Variants in WNT8A observed in about 807,000 individuals in gnomAD.
The protein encoded by WNT8A is Wnt family member 8A.
A neutral mutation model predicts 20.5 loss-of-function variants in WNT8A; 14 were observed. The observed-to-expected ratio is 0.68, with a 90% CI of 0.45 to 1.07. WNT8A has a LOEUF of 1.07. Ranked by LOEUF, WNT8A falls within the 50% of genes least tolerant of loss-of-function variation. The pLI, the probability that WNT8A is intolerant of heterozygous loss-of-function variation, is 0.00. For missense variants in WNT8A, 397 were observed against 462.9 expected (o/e 0.86, Z 1.31); for synonymous variants, 167 against 169.2 (o/e 0.99, Z 0.10).
At chr5:138,088,758 G>C (rs1303598414) in intron 3 of WNT8A, among the ~76,000 whole-genome samples, 169 bp from the exon 4 acceptor site, 2 of 152,102 alleles carry the variant, frequency 1.3e-5, no homozygotes, top group African/African-American at 2.4e-5. Flanking sequence ...TGTCTGAAGG[G>C]TGGGCAGTTG....
At chr5:138,091,875 A>ATAACTAAC (rs374275479), downstream of WNT8A, among the ~76,000 whole-genome samples, 1 of 147,516 alleles carries the variant, frequency 6.8e-6, no homozygotes, top group African/African-American at 2.5e-5. Flanking sequence ...AAATAAATAA[A>ATAACTAAC]TAATAAAGAG....
At position 138,089,055 on chromosome 5, in the gene WNT8A, AG is replaced by A. The variant is rs771679699; in HGVS notation, c.553del (p.Ala185ProfsTer6). 1.2e-6 allele frequency: 2 copies of A among 1,613,272 alleles called. No homozygotes were observed. The highest frequency in any genetic ancestry group is 1.7e-5 in the Admixed American group (1 of 59,960). On this transcript the variant is annotated frameshift_variant, in exon 4 of 5. Coordinates refer to ENST00000506684, the MANE Select transcript of WNT8A (RefSeq NM_001300939.2). LOFTEE classifies it low-confidence loss of function (END_TRUNC). ...AGCCCTGATGAATCTTCACAACAAC[AG>A]GGCCGGCAGACTGGTGGGTATAGGC... ...ARALMNLHNN[R>X]AGRLAVRATM...
At chr5:138,082,260 G>A (rs1750528049), upstream of WNT8A, among the ~76,000 whole-genome samples, 1 of 152,202 alleles carries the variant, frequency 6.6e-6, no homozygotes, top group Admixed American at 6.5e-5. Flanking sequence ...GCCTTCTTAA[G>A]CTCTAAGAAC....
upstream of WNT8A, among the ~76,000 whole-genome samples, chr5:138,080,444 GTTTTTT>G (rs371833243): frequency 3.6e-5 from 2 of 55,974 alleles, no homozygotes; most frequent in Non-Finnish European, 6.5e-5. Flanking sequence ...TGTAAATCTT[GTTTTTT>G]TTTTTTTTTT....
intron 2 of WNT8A, 31 bp downstream of exon 2, chr5:138,084,667 G>C (rs550762267): frequency 6.4e-7 from 1 of 1,571,750 alleles, no homozygotes; most frequent in East Asian, 2.3e-5. Flanking sequence ...CCTGTACAAG[G>C]GGTATATATG....
intron 4 of WNT8A, among the ~76,000 whole-genome samples, 172 bp downstream of exon 4, chr5:138,089,241 T>G (rs1352365748): frequency 6.6e-6 from 1 of 152,202 alleles, no homozygotes; most frequent in Non-Finnish European, 1.5e-5. Flanking sequence ...AAGTGGCTTG[T>G]CCAAGGCAAC....
At chr5:138,079,824 A>C (rs1361162022), upstream of WNT8A, among the ~76,000 whole-genome samples, 4 of 152,186 alleles carry the variant, frequency 2.6e-5, no homozygotes, top group Non-Finnish European at 5.9e-5. Context: ...ACACAGGTTG[A>C]CTAGAAATGA....
the WNT8A span, among the ~76,000 whole-genome samples, chr5:138,078,324 G>T: frequency 1.6e-4 from 25 of 152,182 alleles, no homozygotes; most frequent in African/African-American, 5.8e-4. Flanking sequence ...TATCTAATTA[G>T]CAGAGAAGTG....
chr5:138,088,040 A>G lies in WNT8A; in HGVS notation c.421+109A>G, dbSNP rs892674817. On this transcript the variant is annotated intron_variant, in intron 3 of 4. Transcript: ENST00000506684. ...GAGGGACACAGCTCCCTTAAACCTC[A>G]AGACTCCAGCAACTCCTTCAATTGT... is the stretch of plus-strand genomic sequence containing the variant. 1.1e-5 allele frequency: 17 copies of G among 1,481,770 alleles called. No homozygotes were observed. In the African/African-American group the frequency reaches 2.2e-4, roughly 19 times the overall value. 91.8% of individuals were successfully genotyped at this position (1,481,770 alleles called of 1,614,324 possible).
chr5:138,080,557 C>T (rs1222789249), upstream of WNT8A, among the ~76,000 whole-genome samples: 1 of 146,912 alleles, frequency 6.8e-6, no homozygotes, highest in South Asian at 2.2e-4. Flanking sequence ...ATTTGCCTGC[C>T]TTGGCCTCCC....
At chr5:138,077,540 A>G in the WNT8A span, among the ~76,000 whole-genome samples, 6 of 152,182 alleles carry the variant, frequency 3.9e-5, no homozygotes, top group Admixed American at 6.5e-5. Flanking sequence ...ATTTCTCTGA[A>G]AACTAGTAAA....
At chr5:138,080,444 G>GTTTTTTTTT (rs371833243), upstream of WNT8A, among the ~76,000 whole-genome samples, 1,584 of 55,722 alleles carry the variant, frequency 0.028, 155 homozygotes, top group Non-Finnish European at 0.039. Context: ...TGTAAATCTT[G>GTTTTTTTTT]TTTTTTTTTT....
At chr5:138,088,883 G>A (rs747161677) in intron 3 of WNT8A, 44 bp from the exon 4 acceptor site, 3 of 1,602,898 alleles carry the variant, frequency 1.9e-6, no homozygotes, top group Non-Finnish European at 2.6e-6. Flanking sequence ...GACTGGGACT[G>A]AGCATGGAGC....
chr5:138,083,773 C>G (rs900894488), upstream of WNT8A: 4 of 257,412 alleles, frequency 1.6e-5, no homozygotes, highest in Admixed American at 1.9e-4. Flanking sequence ...CAGGAAGAGA[C>G]AAAATTGACA....
upstream of WNT8A, among the ~76,000 whole-genome samples, chr5:138,083,169 T>C (rs1287654595): frequency 1.3e-5 from 2 of 151,474 alleles, no homozygotes; most frequent in African/African-American, 2.4e-5. Flanking sequence ...TAGTCTCAGA[T>C]ACTTGGGAGG....
In WNT8A at chr5:138,091,056, G is replaced by A. The variant is rs1750837931; in HGVS notation, c.1093G>A (p.Gly365Ser). 6 of 1,611,936 alleles carry A rather than the reference G, an allele frequency of 3.7e-6. No homozygotes were observed. Among genetic ancestry groups the A allele is most frequent in the Non-Finnish European group, 5.1e-6 (6 of 1,178,724 alleles). Reference protein sequence around the residue: ...ARSPGSAQSLGKGSA With the variant: ...ARSPGSAQSLSKGSA ...CTCCCCAGGCAGTGCCCAGTCCCTG[G>A]GTAAGGGCAGTGCCTGATAATACCC... Residue 365 changes from glycine (G) to serine (S), a missense_variant, in exon 5 of 5, where the codon GGT becomes AGT. Transcript: ENST00000506684.
chr5:138,089,206 T>C (rs1233674701), intron 4 of WNT8A, 137 bp downstream of exon 4: 1 of 1,315,402 alleles, frequency 7.6e-7, no homozygotes, highest in African/African-American at 1.5e-5. Context: ...ATTCTCTGGA[T>C]GACAAAACCA....
At chr5:138,086,441 C>A (rs1467096698) in intron 2 of WNT8A, among the ~76,000 whole-genome samples, 1 of 151,854 alleles carries the variant, frequency 6.6e-6, no homozygotes, top group Non-Finnish European at 1.5e-5. Context: ...TGGTCTCGAA[C>A]TCCTGAGCTC....
At chr5:138,091,544 A>G, downstream of WNT8A, 1 of 1,278,848 alleles carries the variant, frequency 7.8e-7, no homozygotes, top group Non-Finnish European at 1.0e-6. Context: ...TAAATGAGGT[A>G]AAGACCACAT....
Sources: gnomAD v4.1 joint callset for allele counts (sites outside exome capture counted in the v4.1 genomes callset) on GRCh38, gnomAD v4.1.1 for gene constraint, MANE v1.5 for transcripts, NCBI Gene and HGNC (gene_info 2026-07-23, HGNC 2026-07-21) for gene names.